TRIOBP: variants seen among roughly 807,000 people sequenced by gnomAD.
TRIOBP encodes TRIO and F-actin-binding protein.
In TRIOBP, 169 loss-of-function variants were observed where a neutral mutation model predicts 238.8. That is an observed-to-expected ratio of 0.71 (90% CI 0.62 to 0.80). The LOEUF is 0.80. Among genes scored for constraint, TRIOBP ranks in the 30% least tolerant of loss-of-function variants. TRIOBP has a pLI of 0.00. For synonymous variants in TRIOBP, 1,150 were observed against 1,274.4 expected, an observed-to-expected ratio of 0.90 and a Z score of 2.08; for missense variants, 2,838 against 3,122.6, an observed-to-expected ratio of 0.91 and a Z score of 2.17.
rs76405829 is a variant in TRIOBP at position 37,776,036 on chromosome 22, C to T, written c.*2256C>T. 1.7e-4 allele frequency: 26 copies of T among 152,424 alleles called. No homozygotes were observed. The East Asian group carries it at 5.0e-3, about 29-fold the overall frequency. The allele number at this position is 152,424 out of a possible 1,614,324, so 9.4% of individuals were successfully genotyped here. A position where few individuals can be genotyped will look rare whatever the true frequency, so the allele number is the denominator to read the frequency against. Reference sequence around the variant, plus strand: ...CGTCCATCCTCACCATCCCACCGTCCCCCCAAGACAGCTCTCCATCCCATC... The same window carrying T: ...CGTCCATCCTCACCATCCCACCGTCTCCCCAAGACAGCTCTCCATCCCATC... On this transcript the variant is annotated 3_prime_UTR_variant, in exon 24 of 24. Transcript: ENST00000644935.
chr22:37,768,276 T>G, intron 19 of TRIOBP, 100 bp downstream of exon 19: 1 of 959,998 alleles, frequency 1.0e-6, no homozygotes, highest in South Asian at 1.4e-5. Context: ...TGCCCCTAGC[T>G]GAGATTCCTG....
intron 18 of TRIOBP, among the ~76,000 whole-genome samples, chr22:37,766,067 C>G (rs971030483): frequency 6.6e-6 from 1 of 152,214 alleles, no homozygotes; most frequent in Non-Finnish European, 1.5e-5. Flanking sequence ...GTGACTCTTC[C>G]TGCTCAGGGG....
intron 7 of TRIOBP, among the ~76,000 whole-genome samples, chr22:37,729,222 CTT>C (rs68108428): frequency 6.9e-6 from 1 of 144,132 alleles, no homozygotes. Context: ...CTGGTCTGAC[CTT>C]TTTTTTTTTT....
Position 37,757,646 on chromosome 22 carries a change from C to T in TRIOBP, c.5721C>T (p.His1907=), listed in dbSNP as rs775226296. The T allele has an allele frequency of 6.3e-7, 1 of 1,590,358 alleles. No homozygotes were observed. Among genetic ancestry groups the T allele is most frequent in the Admixed American group, 1.8e-5 (1 of 56,584 alleles). Residue 1907 remains histidine (H), a synonymous_variant, in exon 16 of 24, where the codon CAC becomes CAT. Transcript: ENST00000644935. ...ACTCTAACAAGGAGAACGCGCTGCA[C>T]AGCTACAGCACCCAGAAGGGCCCCC... ...LSDSNKENAL[H]SYSTQKGPLK...
Position 37,734,897 on chromosome 22 carries a change from G to T in TRIOBP, c.4561G>T (p.Gly1521Cys). Residue 1521 changes from glycine to cysteine, a missense_variant, in exon 9 of 24, where the codon GGC (glycine) becomes TGC (cysteine). Coordinates refer to ENST00000644935, the MANE Select transcript of TRIOBP (RefSeq NM_001039141.3). ...CACGAGCCCCCCTGAGAACTGGGGAGGCCCCGCAGAGTCCTCACAATCCTG... is the reference window on the plus strand; with the variant it reads ...CACGAGCCCCCCTGAGAACTGGGGATGCCCCGCAGAGTCCTCACAATCCTG... The part of the protein sequence containing the change: ...PLTSPPENWG[G>C]PAESSQSWHS... The T allele has an allele frequency of 6.2e-7, 1 of 1,613,256 alleles. No homozygotes were observed. The highest frequency in any genetic ancestry group is 8.5e-7 in the Non-Finnish European group (1 of 1,180,018).
Position 37,735,212 on chromosome 22 carries a change from TCACA to T in TRIOBP, c.4879_4882del (p.His1627AlafsTer42). 1 of 1,606,614 alleles carries T rather than the reference TCACA, an allele frequency of 6.2e-7. No individual in the cohort carries two copies. The highest frequency in any genetic ancestry group is 8.5e-7 in the Non-Finnish European group (1 of 1,174,776). ...CACAAACGATGTCCCTGAGCAGGAG[TCACA>T]CAGCCAGCCAGAAGGCTGGGCCGAG... is the stretch of plus-strand genomic sequence containing the variant. On this transcript the variant is annotated frameshift_variant, in exon 9 of 24. Transcript: ENST00000644935. LOFTEE classifies it high-confidence loss of function.
At chr22:37,760,791 T>C (rs1047717769) in intron 17 of TRIOBP, among the ~76,000 whole-genome samples, 2 of 151,712 alleles carry the variant, frequency 1.3e-5, no homozygotes, top group African/African-American at 4.8e-5. Flanking sequence ...CTGGCCAACA[T>C]GGTGAAACTC....
At chr22:37,705,772 C>T (rs773889230) in intron 3 of TRIOBP, among the ~76,000 whole-genome samples, 4 of 152,056 alleles carry the variant, frequency 2.6e-5, no homozygotes, top group Non-Finnish European at 5.9e-5. Flanking sequence ...GATGGGGTTT[C>T]ACCATGCCGC....
At chr22:37,740,005 G>A (rs559194471) in intron 10 of TRIOBP, among the ~76,000 whole-genome samples, 1 of 152,184 alleles carries the variant, frequency 6.6e-6, no homozygotes, top group African/African-American at 2.4e-5. Flanking sequence ...AGCACCTTCT[G>A]TATACCCAGG....
At position 37,757,672 on chromosome 22, in the gene TRIOBP, T is replaced by C; in HGVS notation, c.5747T>C (p.Leu1916Pro). ...AGCTACAGCACCCAGAAGGGCCCCCTGAAGGCAGGGGAGCAGCGGGCGGGC... is the reference window on the plus strand; with the variant it reads ...AGCTACAGCACCCAGAAGGGCCCCCCGAAGGCAGGGGAGCAGCGGGCGGGC... ...LHSYSTQKGP[L>P]KAGEQRAGSE... The change falls in exon 16 of 24, where the codon CTG (leucine) becomes CCG (proline). Residue 1916 changes from leucine (L) to proline (P), a missense_variant. By Grantham distance (98) the Leu-to-Pro change is moderately conservative (BLOSUM62 -3). Around this residue, in one of 5 missense-constraint regions of TRIOBP, gnomAD observed 2,096 missense variants for 2,137.4 expected, o/e 0.98. Transcript: ENST00000644935. 1 of 1,590,904 alleles carries C rather than the reference T, an allele frequency of 6.3e-7. No homozygotes were observed. The highest frequency in any genetic ancestry group is 8.5e-7 in the Non-Finnish European group (1 of 1,170,052).
intron 14 of TRIOBP, 92 bp from the exon 15 acceptor site, chr22:37,755,458 G>T: frequency 8.3e-7 from 1 of 1,202,116 alleles, no homozygotes; most frequent in East Asian, 2.4e-5. Context: ...GATGCATCCT[G>T]GGAAGGAAGG....
intron 9 of TRIOBP, among the ~76,000 whole-genome samples, chr22:37,736,928 A>G (rs1293750338): frequency 1.3e-5 from 2 of 152,062 alleles, no homozygotes; most frequent in Non-Finnish European, 2.9e-5. Flanking sequence ...TGCCCGGCCT[A>G]AGTCTGTGCT....
Position 37,735,114 on chromosome 22 carries a change from T to C in TRIOBP, c.4778T>C (p.Leu1593Pro). The C allele has an allele frequency of 6.2e-7, 1 of 1,608,628 alleles. No individual in the cohort carries two copies. The highest frequency in any genetic ancestry group is 8.5e-7 in the Non-Finnish European group (1 of 1,176,440). ...CTCTTGGAGCTCCTGCAGGCCAGGC[T>C]GCCCCGCAAGGACCCAGCTGGACAC... ...EGLLELLQAR[L>P]PRKDPAGHRD... Residue 1593 changes from leucine (L) to proline (P), a missense_variant, in exon 9 of 24, where the codon CTG becomes CCG. Transcript: ENST00000644935.
At position 37,725,307 on chromosome 22, in the gene TRIOBP, T is replaced by C. The variant is rs1407184728; in HGVS notation, c.2751T>C (p.Asp917=). ...TTCCCCTCCGGCCAACTCAGAGTGA[T>C]GGTCCCCGAACCTCTTCCCCATCTC... is the stretch of plus-strand genomic sequence containing the variant. ...ASFPLRPTQS[D]GPRTSSPSRS... The change falls in exon 7 of 24, where the codon GAT becomes GAC. Residue 917 remains aspartate (D), a synonymous_variant. Coordinates refer to ENST00000644935, the MANE Select transcript of TRIOBP (RefSeq NM_001039141.3). 1.2e-6 allele frequency: 2 copies of C among 1,613,594 alleles called. No individual in the cohort carries two copies. Among genetic ancestry groups the C allele is most frequent in the South Asian group, 1.1e-5 (1 of 91,066 alleles).
chr22:37,698,340 AAC>A (rs1396863763), intron 2 of TRIOBP, among the ~76,000 whole-genome samples: 1 of 148,256 alleles, frequency 6.7e-6, no homozygotes, highest in African/African-American at 2.5e-5. Flanking sequence ...CAGCCTGGGT[AAC>A]ACTGCAAGAG....
intron 9 of TRIOBP, among the ~76,000 whole-genome samples, chr22:37,736,531 C>T (rs1176657518): frequency 6.6e-6 from 1 of 152,192 alleles, no homozygotes; most frequent in East Asian, 1.9e-4. Context: ...GAAACTGAGG[C>T]TCAGACTCCT....
intron 11 of TRIOBP, among the ~76,000 whole-genome samples, chr22:37,747,820 C>T (rs1385042156): frequency 6.6e-6 from 1 of 152,244 alleles, no homozygotes; most frequent in Non-Finnish European, 1.5e-5. Context: ...CCAGGTAACT[C>T]AGTGAGTCCC....
intron 6 of TRIOBP, among the ~76,000 whole-genome samples, chr22:37,720,580 C>T (rs755984720): frequency 6.6e-6 from 1 of 152,164 alleles, no homozygotes; most frequent in African/African-American, 2.4e-5. Context: ...CCCAGAGTGC[C>T]CAGGCTTGGG....
rs1289474740 is a variant in TRIOBP at position 37,719,994 on chromosome 22, C to G, written c.629-3191C>G. ...GCACTCACTGTTTCACTCATCCCCC[C>G]CCGCCCTTTTTTTTTTTTTTTTTTT... On this transcript the variant is annotated intron_variant, in intron 6 of 23. Coordinates refer to ENST00000644935, the MANE Select transcript of TRIOBP (RefSeq NM_001039141.3). Among the ~76,000 whole-genome samples the G allele has an allele frequency of 1.4e-3, 18 of 12,668 alleles. 2 individuals are homozygous for G. The highest frequency in any genetic ancestry group is 4.5e-3 in the Non-Finnish European group (14 of 3,134). 8.3% of individuals were successfully genotyped at this position (12,668 alleles called of 152,430 possible).
Sources: gnomAD v4.1 joint callset for allele counts (sites outside exome capture counted in the v4.1 genomes callset) on GRCh38, gnomAD v4.1.1 for gene constraint, gnomAD v4.1.1 regional missense constraint, MANE v1.5 for transcripts, NCBI Gene and HGNC (gene_info 2026-07-23, HGNC 2026-07-21) for gene names.